The following ITPRID2 variants were observed in gnomAD, a reference collection of about 807,000 sequenced individuals.
ITPRID2 encodes the protein protein ITPRID2.
Under a neutral mutation model 124.3 loss-of-function variants are expected in ITPRID2, and 60 were observed. That is an observed-to-expected ratio of 0.48 (90% CI 0.39 to 0.60). The LOEUF is 0.60. Among genes scored for constraint, ITPRID2 ranks in the 20% least tolerant of loss-of-function variants. The pLI is 0.00. For missense variants in ITPRID2, 1,553 were observed against 1,512.2 expected, an observed-to-expected ratio of 1.03 and a Z score of -0.45; for synonymous variants, 521 against 542.9, an observed-to-expected ratio of 0.96 and a Z score of 0.56.
rs1694295803 is a variant in ITPRID2 at position 181,919,146 on chromosome 2, G to A, written c.2994-150G>A. 2 of 927,410 alleles carry A rather than the reference G, an allele frequency of 2.2e-6. No individual in the cohort carries two copies. The highest frequency in any genetic ancestry group is 1.7e-5 in the African/African-American group (1 of 60,092). The allele number at this position is 927,410 out of a possible 1,614,324, so 57.4% of individuals were successfully genotyped here. A position where few individuals can be genotyped will look rare whatever the true frequency, so the allele number is the denominator to read the frequency against. On this transcript the variant is annotated intron_variant, in intron 13 of 17. Coordinates refer to ENST00000431877, the MANE Select transcript of ITPRID2 (RefSeq NM_001130445.3). This position sits in a 1 kb window ranked among gnomAD's most constrained non-coding sequence, Gnocchi z 4.2. ...GGGGAAGAAAGACTAATGTCCTTGTGGATACACCTATTGTAGTTGATATTG... is the reference window on the plus strand; with the variant it reads ...GGGGAAGAAAGACTAATGTCCTTGTAGATACACCTATTGTAGTTGATATTG...
In ITPRID2 at chr2:181,916,212, C is replaced by T. The variant is rs1295026669; in HGVS notation, c.2572C>T (p.Leu858=). ...SIHSEWQERP[L]CEHTRTLSTH... ...CCACTCTGAGTGGCAAGAAAGGCCC[C>T]TGTGTGAGCACACAAGAACTCTGAG... The change falls in exon 11 of 18, where the codon CTG becomes TTG. Residue 858 remains leucine (L), a synonymous_variant. Coordinates refer to ENST00000431877, the MANE Select transcript of ITPRID2 (RefSeq NM_001130445.3). 1 of 1,614,096 alleles carries T rather than the reference C, an allele frequency of 6.2e-7. No individual in the cohort carries two copies. The highest frequency in any genetic ancestry group is 2.2e-5 in the East Asian group (1 of 44,886).
At position 181,922,239 on chromosome 2, in the gene ITPRID2, A is replaced by G; in HGVS notation, c.3502A>G (p.Thr1168Ala). 6.2e-7 allele frequency: 1 copy of G among 1,614,232 alleles called. No individual in the cohort carries two copies. The highest frequency in any genetic ancestry group is 2.2e-5 in the East Asian group (1 of 44,890). ...TCCTTCTAGAACAGGCTCTGTGCAG[A>G]CACCTCCAGATTTGGAAAGTTCTGA... ...TAPSRTGSVQ[T>A]PPDLESSEEV... Residue 1168 changes from threonine (T) to alanine (A), a missense_variant, in exon 16 of 18, where the codon ACA becomes GCA. Coordinates refer to ENST00000431877, the MANE Select transcript of ITPRID2 (RefSeq NM_001130445.3).
chr2:181,923,258 C>G (rs1278452400), intron 16 of ITPRID2, among the ~76,000 whole-genome samples: 2 of 152,170 alleles, frequency 1.3e-5, no homozygotes, highest in African/African-American at 4.8e-5. Context: ...GCAATTATCT[C>G]TGTTTACCTA....
Position 181,892,611 on chromosome 2 carries a change from C to G in ITPRID2, c.212-4C>G, listed in dbSNP as rs374974604. Reference sequence around the variant, plus strand: ...AACGTGCTGTCCCCTCTCTCTACCCCCAGGAAACGTGCCCAACGAGAAGAT... The same window carrying G: ...AACGTGCTGTCCCCTCTCTCTACCCGCAGGAAACGTGCCCAACGAGAAGAT... On this transcript the variant is annotated splice_polypyrimidine_tract_variant and splice_region_variant and intron_variant, in intron 1 of 17. Transcript: ENST00000431877. This position sits in a 1 kb window ranked among gnomAD's most constrained non-coding sequence, Gnocchi z 5.2. 1,370 of 1,614,130 alleles carry G rather than the reference C, an allele frequency of 8.5e-4. 1 individual carries two copies. The highest frequency in any genetic ancestry group is 1.0e-3 in the Non-Finnish European group (1,230 of 1,180,006).
chr2:181,904,830 CAA>C (rs1386522755), intron 8 of ITPRID2, among the ~76,000 whole-genome samples: 1 of 152,044 alleles, frequency 6.6e-6, no homozygotes, highest in African/African-American at 2.4e-5. Flanking sequence ...CCATCTGAGA[CAA>C]GAGGTAAGAT....
rs886585985 is a variant in ITPRID2, at chr2:181,908,857, AT to A, written c.1414-1032del. ...AAATGTGTTAACTATTAGCGCTTTG[AT>A]TTTTTTTTTCAAGGTTGAAAACCCA... On this transcript the variant is annotated intron_variant, in intron 8 of 17. Coordinates refer to ENST00000431877, the MANE Select transcript of ITPRID2 (RefSeq NM_001130445.3). Among the ~76,000 whole-genome samples, 12 of 149,742 alleles carry A rather than the reference AT, an allele frequency of 8.0e-5. No homozygotes were observed. In the East Asian group the frequency reaches 1.8e-3, roughly 22 times the overall value.
At chr2:181,915,180 A>G (rs2125096464) in intron 10 of ITPRID2, 36 bp from the exon 11 acceptor site, 3 of 1,587,452 alleles carry the variant, frequency 1.9e-6, no homozygotes, top group Non-Finnish European at 2.6e-6. Flanking sequence ...CTTCTTACAT[A>G]TATTCTTCAT....
At chr2:181,904,652 A>G (rs529515241) in intron 8 of ITPRID2, among the ~76,000 whole-genome samples, 19 of 152,266 alleles carry the variant, frequency 1.2e-4, no homozygotes, top group African/African-American at 4.6e-4. Flanking sequence ...ATGAGGTTTG[A>G]TTCTTGCTGG....
chr2:181,922,998 G>A (rs1181649902), intron 16 of ITPRID2, among the ~76,000 whole-genome samples: 2 of 152,124 alleles, frequency 1.3e-5, no homozygotes, highest in Non-Finnish European at 2.9e-5. Flanking sequence ...AGTATAAATA[G>A]ATTGATTTGG....
intron 7 of ITPRID2, 25 bp downstream of exon 7, chr2:181,900,929 A>G: frequency 6.5e-7 from 1 of 1,547,640 alleles, no homozygotes; most frequent in Non-Finnish European, 8.8e-7. Context: ...TGTTAGGCAT[A>G]TTATTTTCTT....
intron 16 of ITPRID2, among the ~76,000 whole-genome samples, chr2:181,924,967 A>G (rs1356019593): frequency 6.6e-6 from 1 of 152,266 alleles, no homozygotes; most frequent in African/African-American, 2.4e-5. Flanking sequence ...ATTACTTAAT[A>G]GGATGAATGA....
Position 181,913,829 on chromosome 2 carries a change from AT to A in ITPRID2, c.1487-9del. ...TAGATCATCTGTTTCTTATAGCCAC[AT>A]TTTTTTATTCATAGATCATCTGTTA... On this transcript the variant is annotated splice_polypyrimidine_tract_variant and intron_variant, in intron 9 of 17. Transcript: ENST00000431877. 4 of 1,593,806 alleles carry A rather than the reference AT, an allele frequency of 2.5e-6. No individual in the cohort carries two copies. Among genetic ancestry groups the A allele is most frequent in the South Asian group, 1.1e-5 (1 of 87,838 alleles).
Position 181,900,823 on chromosome 2 carries a change from G to C in ITPRID2, c.631G>C (p.Ala211Pro). The C allele has an allele frequency of 6.2e-7, 1 of 1,613,284 alleles. No individual in the cohort carries two copies. Among genetic ancestry groups the C allele is most frequent in the South Asian group, 1.1e-5 (1 of 90,972 alleles). ...PSRFFNSSSF[A>P]KGIDIKVFLS... ...CAGATTTTTTAATTCATCATCCTTT[G>C]CCAAAGGGATAGATATTAAAGTATT... The change falls in exon 7 of 18, where the codon GCC becomes CCC. Residue 211 changes from alanine (A) to proline (P), a missense_variant. Ala to Pro is a conservative substitution (Grantham distance 27). Coordinates refer to ENST00000431877, the MANE Select transcript of ITPRID2 (RefSeq NM_001130445.3).
chr2:181,909,545 A>T (rs556134441), intron 8 of ITPRID2, among the ~76,000 whole-genome samples: 1 of 152,328 alleles, frequency 6.6e-6, no homozygotes, highest in African/African-American at 2.4e-5. Context: ...TCAAGGTTGA[A>T]AACCCATATG....
chr2:181,918,183 G>A (rs989394695), intron 11 of ITPRID2: 14 of 375,210 alleles, frequency 3.7e-5, no homozygotes, highest in Non-Finnish European at 5.2e-5. Flanking sequence ...CTAAAATAGT[G>A]GCATATAGGA....
intron 2 of ITPRID2, chr2:181,894,836 G>A (rs1196086597): frequency 1.3e-5 from 2 of 152,042 alleles, no homozygotes; most frequent in Admixed American, 1.3e-4. Flanking sequence ...TTCGAAGGAG[G>A]ATTCCTGTTA....
At chr2:181,908,918 T>C (rs900742206) in intron 8 of ITPRID2, among the ~76,000 whole-genome samples, 6 of 152,156 alleles carry the variant, frequency 3.9e-5, no homozygotes, top group Admixed American at 1.3e-4. Context: ...TACTAGGATG[T>C]TCTTTATGAT....
intron 7 of ITPRID2, 45 bp downstream of exon 7, chr2:181,900,949 C>G (rs746130614): frequency 7.8e-6 from 11 of 1,407,814 alleles, no homozygotes; most frequent in Non-Finnish European, 1.1e-5. Flanking sequence ...TAAATTATAG[C>G]ATCTACAGCA....
chr2:181,918,581 C>T lies in ITPRID2; in HGVS notation c.2788-17C>T. ...CACTTTAACATTGGTTTTAATCCTA[C>T]TTTTACTTTTTTGAAGTACCCTATG... On this transcript the variant is annotated splice_polypyrimidine_tract_variant and intron_variant, in intron 11 of 17. Coordinates refer to ENST00000431877, the MANE Select transcript of ITPRID2 (RefSeq NM_001130445.3). 1.9e-6 allele frequency: 3 copies of T among 1,612,954 alleles called. No homozygotes were observed. The highest frequency in any genetic ancestry group is 2.5e-6 in the Non-Finnish European group (3 of 1,179,578).
Sources: allele counts gnomAD v4.1 joint callset (sites outside exome capture counted in the v4.1 genomes callset), GRCh38; gene constraint gnomAD v4.1.1; non-coding constraint Gnocchi (gnomAD v3.1); transcripts MANE v1.5; gene names NCBI Gene and HGNC (gene_info 2026-07-23, HGNC 2026-07-21).